Variants in ZNF799 observed in about 807,000 individuals in gnomAD.
ZNF799 encodes zinc finger protein 799.
A neutral mutation model predicts 41.0 loss-of-function variants in ZNF799; 28 were observed. The observed-to-expected ratio is 0.68, with a 90% CI of 0.51 to 0.94. The LOEUF (loss-of-function observed/expected upper bound fraction) is 0.94. ZNF799 is among the 40% of genes least tolerant of loss of function. ZNF799 has a pLI of 0.00. For missense variants in ZNF799, 716 were observed against 764.3 expected, an observed-to-expected ratio of 0.94 and a Z score of 0.74; for synonymous variants, 213 against 252.9, an observed-to-expected ratio of 0.84 and a Z score of 1.50.
chr19:12,398,683 C>T lies in ZNF799; in HGVS notation c.3+2385G>A, dbSNP rs1969934409. On this transcript the variant is annotated intron_variant, in intron 1 of 3. Transcript: ENST00000430385. ...AGATTTCTCCATTGTCCCAAAATCTCCACCCTTTTAAAAAGGAGAACTGAA... is the reference window on the plus strand; with the variant it reads ...AGATTTCTCCATTGTCCCAAAATCTTCACCCTTTTAAAAAGGAGAACTGAA... Among the ~76,000 whole-genome samples the T allele has an allele frequency of 2.0e-5, 3 of 152,186 alleles. No individual in the cohort carries two copies. The South Asian group carries it at 6.2e-4, about 32-fold the overall frequency.
In ZNF799 at chr19:12,391,947, T is replaced by G; in HGVS notation, c.451A>C (p.Ser151Arg). ...DTHKQRGKAF[S>R]YHNSLQTHER... ...TGTGTTTGAAGTGAGTTGTGGTAAC[T>G]GAAGGCTTTCCCACGTTGTTTATGC... The change falls in exon 4 of 4, where the codon AGT (serine) becomes CGT (arginine). Residue 151 changes from serine (S) to arginine (R), a missense_variant. This residue lies in a region of ZNF799 where 698 missense variants were observed against 713.6 expected (regional missense o/e 0.98). Coordinates refer to ENST00000430385, the MANE Select transcript of ZNF799 (RefSeq NM_001080821.3). The G allele has an allele frequency of 6.2e-7, 1 of 1,614,220 alleles. No homozygotes were observed. Among genetic ancestry groups the G allele is most frequent in the African/African-American group, 1.3e-5 (1 of 75,062 alleles).
chr19:12,390,870 T>C lies in ZNF799; in HGVS notation c.1528A>G (p.Lys510Glu), dbSNP rs1391024005. ...TTACCAAAATGACTGAAGGCTTTCT[T>C]ACATGTGTTACACTCATAAGGTTTC... is the stretch of plus-strand genomic sequence containing the variant. ...GEKPYECNTC[K>E]KAFSHFGNLK... The change falls in exon 4 of 4, where the codon AAG becomes GAG. Residue 510 changes from lysine to glutamate, a missense_variant. Transcript: ENST00000430385. The C allele has an allele frequency of 1.2e-6, 2 of 1,613,992 alleles. No individual in the cohort carries two copies. Among genetic ancestry groups the C allele is most frequent in the Non-Finnish European group, 1.7e-6 (2 of 1,180,010 alleles).
At chr19:12,410,675 G>A in the ZNF799 span, among the ~76,000 whole-genome samples, 1 of 151,796 alleles carries the variant, frequency 6.6e-6, no homozygotes, top group Non-Finnish European at 1.5e-5. Flanking sequence ...TCAAGAGCTA[G>A]TTCTTTAAAA....
At position 12,401,171 on chromosome 19, in the gene ZNF799, T is replaced by C. The variant is rs987394129; in HGVS notation, c.-101A>G. On this transcript the variant is annotated 5_prime_UTR_variant, in exon 1 of 4. Transcript: ENST00000430385. ...GCCACGGAACTTCCAGGTCGTCTCT[T>C]AGCTACAGAGCCGAGCACCGAGCGC... is the stretch of plus-strand genomic sequence containing the variant. The C allele has an allele frequency of 6.9e-6, 11 of 1,603,272 alleles. No homozygotes were observed. The African/African-American group carries it at 9.3e-5, about 14-fold the overall frequency.
At chr19:12,402,526 G>A (rs1318454505), upstream of ZNF799, among the ~76,000 whole-genome samples, 5 of 150,668 alleles carry the variant, frequency 3.3e-5, no homozygotes, top group African/African-American at 1.2e-4. Context: ...TTACAGGAAA[G>A]GCTTTCAGTT....
At chr19:12,394,803 C>A in intron 1 of ZNF799, 1 of 985,278 alleles carries the variant, frequency 1.0e-6, no homozygotes, top group Non-Finnish European at 1.2e-6. Context: ...ATAGAACTCA[C>A]AGTATCTAAA....
intron 1 of ZNF799, chr19:12,393,774 T>C (rs1047772112): frequency 9.0e-7 from 1 of 1,109,494 alleles, no homozygotes; most frequent in Non-Finnish European, 1.1e-6. Flanking sequence ...GGAGTTACCA[T>C]TAGCAGTGCT....
chr19:12,413,343 T>C, the ZNF799 span, among the ~76,000 whole-genome samples: 50,682 of 152,054 alleles, frequency 0.33, 9,016 homozygotes, highest in South Asian at 0.51. Context: ...AAGCGTCTGA[T>C]TTGTAATGGA....
At chr19:12,411,453 A>T in the ZNF799 span, among the ~76,000 whole-genome samples, 1 of 152,174 alleles carries the variant, frequency 6.6e-6, no homozygotes, top group Non-Finnish European at 1.5e-5. Flanking sequence ...TAAATGGGAG[A>T]CACTTCAACA....
chr19:12,409,123 T>C, the ZNF799 span, among the ~76,000 whole-genome samples: 18 of 152,156 alleles, frequency 1.2e-4, no homozygotes, highest in Admixed American at 3.3e-4. Flanking sequence ...TCCCATGGAA[T>C]TGCGCTGTAG....
chr19:12,396,649 CA>C (rs531549654), intron 1 of ZNF799, among the ~76,000 whole-genome samples: 2 of 143,876 alleles, frequency 1.4e-5, no homozygotes, highest in East Asian at 2.0e-4. Context: ...ACCTCTGTCT[CA>C]AAAAAAAAGG....
At chr19:12,414,456 A>G in the ZNF799 span, among the ~76,000 whole-genome samples, 2 of 152,176 alleles carry the variant, frequency 1.3e-5, no homozygotes, top group African/African-American at 4.8e-5. Flanking sequence ...ACCACTGTCC[A>G]GTGGAGCCAT....
rs1356887092 is a variant in ZNF799 at position 12,401,118 on chromosome 19, C to T, written c.-48G>A. On this transcript the variant is annotated 5_prime_UTR_variant, in exon 1 of 4. Coordinates refer to ENST00000430385, the MANE Select transcript of ZNF799 (RefSeq NM_001080821.3). ...AGGTCCTCCGGACGGCTCCCGCTGC[C>T]AATGCGGGTTCCCGCGGGACACAGG... is the stretch of plus-strand genomic sequence containing the variant. The T allele has an allele frequency of 6.2e-7, 1 of 1,613,406 alleles. No individual in the cohort carries two copies. Among genetic ancestry groups the T allele is most frequent in the South Asian group, 1.1e-5 (1 of 91,046 alleles).
At chr19:12,401,030 C>T in intron 1 of ZNF799, 38 bp downstream of exon 1, 1 of 1,613,980 alleles carries the variant, frequency 6.2e-7, no homozygotes, top group Non-Finnish European at 8.5e-7. Flanking sequence ...TCCACCCAGC[C>T]CCTCCCCCGC....
Position 12,390,735 on chromosome 19 carries a change from T to G in ZNF799, c.1663A>C (p.Met555Leu). The G allele has an allele frequency of 6.2e-7, 1 of 1,613,686 alleles. No homozygotes were observed. The highest frequency in any genetic ancestry group is 8.5e-7 in the Non-Finnish European group (1 of 1,179,910). Reference sequence around the variant, plus strand: ...TGACACTCATAGGGTTTCTCTCTCATGTGAATTCTTTCATGTCGTAGAAAG... The same window carrying G: ...TGACACTCATAGGGTTTCTCTCTCAGGTGAATTCTTTCATGTCGTAGAAAG... Reference protein sequence around the residue: ...TCFLRHERIHMREKPYECQQC... With the variant: ...TCFLRHERIHLREKPYECQQC... Residue 555 changes from methionine (M) to leucine (L), a missense_variant, in exon 4 of 4, where the codon ATG becomes CTG. Met to Leu is a conservative substitution (Grantham distance 15, BLOSUM62 2). Around this residue, in one of 2 missense-constraint regions of ZNF799, gnomAD observed 698 missense variants for 713.6 expected, o/e 0.98. Coordinates refer to ENST00000430385, the MANE Select transcript of ZNF799 (RefSeq NM_001080821.3).
the ZNF799 span, among the ~76,000 whole-genome samples, chr19:12,406,826 G>A: frequency 0.11 from 17,322 of 152,054 alleles, 1,691 homozygotes; most frequent in African/African-American, 0.27. Flanking sequence ...CGTGAACCCC[G>A]GAGGCGGAGC....
the ZNF799 span, among the ~76,000 whole-genome samples, chr19:12,407,426 G>A: frequency 8.0e-5 from 12 of 149,866 alleles, no homozygotes; most frequent in Admixed American, 6.0e-4. Flanking sequence ...TCCTGTCACT[G>A]CACTCCAGCC....
chr19:12,390,704 C>T lies in ZNF799; in HGVS notation c.1694G>A (p.Cys565Tyr). The change falls in exon 4 of 4, where the codon TGT becomes TAT. Residue 565 changes from cysteine (C) to tyrosine (Y), a missense_variant. This residue lies in a region of ZNF799 where 698 missense variants were observed against 713.6 expected (regional missense o/e 0.98). Transcript: ENST00000430385. ...MREKPYECQQ[C>Y]GKAFTHSRFL... ...ACGGGAATGAGTGAAGGCTTTACCACATTGTTGACACTCATAGGGTTTCTC... is the reference window on the plus strand; with the variant it reads ...ACGGGAATGAGTGAAGGCTTTACCATATTGTTGACACTCATAGGGTTTCTC... The T allele has an allele frequency of 6.2e-7, 1 of 1,613,820 alleles. No homozygotes were observed. The highest frequency in any genetic ancestry group is 1.6e-4 in the Middle Eastern group (1 of 6,062).
intron 3 of ZNF799, 115 bp from the exon 4 acceptor site, chr19:12,392,321 C>T: frequency 2.1e-6 from 3 of 1,451,718 alleles, no homozygotes; most frequent in South Asian, 2.9e-5. Flanking sequence ...GGCTTCGTGT[C>T]CTGCTTGAAC....
Sources: allele counts gnomAD v4.1 joint callset (sites outside exome capture counted in the v4.1 genomes callset), GRCh38; gene constraint gnomAD v4.1.1; regional missense constraint gnomAD v4.1.1; transcripts MANE v1.5; gene names NCBI Gene and HGNC (gene_info 2026-07-23, HGNC 2026-07-21).